The following NRG1 variants were observed in gnomAD, a reference collection of about 807,000 sequenced individuals.
NRG1 encodes the protein neuregulin 1.
NRG1 carries 18 observed loss-of-function variants against 63.8 expected under a neutral mutation model. The observed-to-expected ratio is 0.28, with a 90% CI of 0.19 to 0.42. NRG1 has a LOEUF of 0.42. Ranked by LOEUF, NRG1 falls within the 10% of genes least tolerant of loss-of-function variation. The pLI is 1.00. For missense variants in NRG1, 762 were observed against 814.7 expected (o/e 0.94, Z 0.79); for synonymous variants, 302 against 301.3 (o/e 1.00, Z -0.02).
intron 1 of NRG1, among the ~76,000 whole-genome samples, chr8:32,511,963 G>A (rs1183866463): frequency 6.6e-6 from 1 of 152,162 alleles, no homozygotes; most frequent in Admixed American, 6.5e-5. Flanking sequence ...CTTCCCTCTT[G>A]TGCTGGACAT....
intron 1 of NRG1, among the ~76,000 whole-genome samples, chr8:31,814,952 T>C (rs576363151): frequency 7.9e-4 from 120 of 152,270 alleles, no homozygotes; most frequent in Middle Eastern, 3.4e-3. Flanking sequence ...CCTTTTCTCC[T>C]GGATTCTTAT....
At chr8:31,755,892 A>T (rs964993553) in intron 1 of NRG1, among the ~76,000 whole-genome samples, 7 of 152,112 alleles carry the variant, frequency 4.6e-5, no homozygotes, top group African/African-American at 2.4e-5. Flanking sequence ...CTAGAAAAAG[A>T]TTTTCCCATA....
At chr8:31,732,967 C>T (rs914707054) in intron 1 of NRG1, among the ~76,000 whole-genome samples, 1 of 152,080 alleles carries the variant, frequency 6.6e-6, no homozygotes, top group African/African-American at 2.4e-5. Flanking sequence ...CTCCTATGTC[C>T]CCACCCTTCT....
intron 1 of NRG1, among the ~76,000 whole-genome samples, chr8:31,726,087 G>C (rs1813408565): frequency 6.6e-6 from 1 of 151,948 alleles, no homozygotes; most frequent in Admixed American, 6.6e-5. Context: ...AACATCGACT[G>C]TGCCTAACCT....
In NRG1 at chr8:31,977,555, G is replaced by A. The variant is rs541551155; in HGVS notation, c.37+338124G>A. Reference sequence around the variant, plus strand: ...CTTCCAATTCATCCTATGCATCAATGTCACTCTATTTTTTCATATCTGCAA... The same window carrying A: ...CTTCCAATTCATCCTATGCATCAATATCACTCTATTTTTTCATATCTGCAA... On this transcript the variant is annotated intron_variant, in intron 1 of 10. Coordinates refer to the NRG1 transcript ENST00000519301. 5.9e-5 allele frequency among the ~76,000 whole-genome samples: 9 copies of A among 151,864 alleles called. No homozygotes were observed. The East Asian group carries it at 1.7e-3, about 29-fold the overall frequency.
chr8:32,027,903 G>C (rs1817711962), intron 1 of NRG1, among the ~76,000 whole-genome samples: 1 of 152,144 alleles, frequency 6.6e-6, no homozygotes, highest in African/African-American at 2.4e-5. Context: ...TTCCGGGTAG[G>C]AGCAGCTAAA....
chr8:32,752,450 G>A (rs1828926496), intron 7 of NRG1, among the ~76,000 whole-genome samples: 1 of 152,098 alleles, frequency 6.6e-6, no homozygotes, highest in African/African-American at 2.4e-5. Flanking sequence ...AATATCTCCT[G>A]GTACATTGTT....
chr8:32,344,989 A>G (rs190096317), intron 1 of NRG1, among the ~76,000 whole-genome samples: 2 of 152,128 alleles, frequency 1.3e-5, no homozygotes, highest in African/African-American at 4.8e-5. Flanking sequence ...ACAAGAAGCT[A>G]GCTCACAAAA....
chr8:31,905,422 C>G (rs1441286540), intron 1 of NRG1, among the ~76,000 whole-genome samples: 4 of 152,180 alleles, frequency 2.6e-5, no homozygotes, highest in Non-Finnish European at 4.4e-5. Context: ...CTAAGAAAAT[C>G]AAACTATTAT....
At chr8:32,055,161 A>AT (rs1357774782) in intron 1 of NRG1, among the ~76,000 whole-genome samples, 2 of 152,136 alleles carry the variant, frequency 1.3e-5, no homozygotes, top group Admixed American at 1.3e-4. Context: ...AAGTGCTGGG[A>AT]TTACAGAGAG....
intron 5 of NRG1, among the ~76,000 whole-genome samples, chr8:32,682,996 A>G (rs1809099380): frequency 6.6e-6 from 1 of 152,192 alleles, no homozygotes; most frequent in Admixed American, 6.5e-5. Flanking sequence ...AATAAATACT[A>G]TCACAGCCAT....
chr8:32,647,058 G>A (rs1588952904), intron 5 of NRG1: 1 of 985,290 alleles, frequency 1.0e-6, no homozygotes, highest in Non-Finnish European at 1.2e-6. Context: ...GAGGCAGGGC[G>A]GGGAAGGGAG....
chr8:32,047,167 A>G (rs1157602685), intron 1 of NRG1, among the ~76,000 whole-genome samples: 2 of 152,036 alleles, frequency 1.3e-5, no homozygotes, highest in African/African-American at 4.8e-5. Context: ...ATTTGAGACC[A>G]GCAGCATATC....
At position 32,114,272 on chromosome 8, in the gene NRG1, T is replaced by C. The variant is rs76842118; in HGVS notation, c.37+474841T>C. On this transcript the variant is annotated intron_variant, in intron 1 of 10. Coordinates refer to the NRG1 transcript ENST00000519301. ...ATCTGTCCCTGCAACATCTTTCTCCTGCAGCTAAATGCTTTAAAATGGTCA... is the reference window on the plus strand; with the variant it reads ...ATCTGTCCCTGCAACATCTTTCTCCCGCAGCTAAATGCTTTAAAATGGTCA... Among the ~76,000 whole-genome samples the C allele has an allele frequency of 2.6e-3, 395 of 152,332 alleles. 2 individuals carry two copies. The highest frequency in any genetic ancestry group is 9.1e-3 in the African/African-American group (377 of 41,578).
chr8:31,828,216 T>TGTG (rs879452427), intron 1 of NRG1, among the ~76,000 whole-genome samples: 1 of 152,238 alleles, frequency 6.6e-6, no homozygotes, highest in Non-Finnish European at 1.5e-5. Context: ...ATCTACCACA[T>TGTG]GTGTTTGTCC....
chr8:32,398,756 A>T (rs984673781), intron 1 of NRG1, among the ~76,000 whole-genome samples: 1 of 152,124 alleles, frequency 6.6e-6, no homozygotes, highest in Non-Finnish European at 1.5e-5. Context: ...GCCTCCTGCC[A>T]TGCTGAACAG....
At chr8:32,743,596 A>ATATATATATATATATATATATATATAT (rs58229077) in intron 7 of NRG1, among the ~76,000 whole-genome samples, 10 of 143,902 alleles carry the variant, frequency 6.9e-5, no homozygotes, top group South Asian at 6.5e-4. Context: ...ATATATATAT[A>ATATATATATATATATATATATATATAT]AAACTTAATA....
chr8:32,669,868 A>G (rs2128892069), intron 5 of NRG1, among the ~76,000 whole-genome samples: 1 of 152,320 alleles, frequency 6.6e-6, no homozygotes, highest in East Asian at 1.9e-4. Flanking sequence ...TTTATTAAAG[A>G]ACATTGGACT....
chr8:32,127,291 C>T (rs1834205347), intron 1 of NRG1, among the ~76,000 whole-genome samples: 1 of 151,840 alleles, frequency 6.6e-6, no homozygotes, highest in Admixed American at 6.6e-5. Flanking sequence ...GGGCTTACAG[C>T]AGTGTTAGCC....
Sources: gnomAD v4.1 joint callset for allele counts (sites outside exome capture counted in the v4.1 genomes callset) on GRCh38, gnomAD v4.1.1 for gene constraint, MANE v1.5 for transcripts, NCBI Gene and HGNC (gene_info 2026-07-23, HGNC 2026-07-21) for gene names.